Variants in SEMA3A observed in about 807,000 individuals in gnomAD.
The protein encoded by SEMA3A is semaphorin-3A.
A neutral mutation model predicts 97.9 loss-of-function variants in SEMA3A; 29 were observed. The ratio of observed to expected loss-of-function variants is 0.30; its 90% CI spans 0.22 to 0.40. SEMA3A has a LOEUF of 0.40. SEMA3A is among the 10% of genes least tolerant of loss of function. SEMA3A has a pLI of 1.00. For missense variants in SEMA3A, 763 were observed against 951.3 expected (o/e 0.80, Z 2.60); for synonymous variants, 321 against 323.7 (o/e 0.99, Z 0.09).
chr7:84,048,908 T>C (rs1242176946), intron 5 of SEMA3A, among the ~76,000 whole-genome samples: 3 of 152,040 alleles, frequency 2.0e-5, no homozygotes, highest in African/African-American at 4.8e-5. Flanking sequence ...CTAAAAACTA[T>C]TACTTGGATA....
At chr7:84,299,286 ATC>A (rs374582807) in intron 3 of SEMA3A, among the ~76,000 whole-genome samples, 4,754 of 139,500 alleles carry the variant, frequency 0.034, 339 homozygotes, top group African/African-American at 0.12. Flanking sequence ...CCATATATAT[ATC>A]TATCTCCATA....
chr7:84,169,535 TATA>T (rs1222524434), intron 1 of SEMA3A, among the ~76,000 whole-genome samples: 1 of 148,652 alleles, frequency 6.7e-6, no homozygotes, highest in Non-Finnish European at 1.5e-5. Context: ...TAAATTATTA[TATA>T]ATACTATATA....
chr7:84,226,895 A>C (rs1321439084), intron 3 of SEMA3A, among the ~76,000 whole-genome samples: 1 of 152,070 alleles, frequency 6.6e-6, no homozygotes, highest in Non-Finnish European at 1.5e-5. Flanking sequence ...CTATAATTAT[A>C]GAGATGCCAT....
intron 3 of SEMA3A, among the ~76,000 whole-genome samples, chr7:84,280,830 T>A (rs1165342329): frequency 1.3e-5 from 2 of 152,030 alleles, no homozygotes; most frequent in East Asian, 3.9e-4. Flanking sequence ...AATATAAAAA[T>A]TGCATTGGCA....
At chr7:84,128,447 G>A (rs1189398342) in intron 3 of SEMA3A, among the ~76,000 whole-genome samples, 1 of 152,124 alleles carries the variant, frequency 6.6e-6, no homozygotes, top group Non-Finnish European at 1.5e-5. Context: ...TCAACCTGTG[G>A]AAAGAAGTTG....
At chr7:84,160,969 C>A (rs182065725) in intron 1 of SEMA3A, among the ~76,000 whole-genome samples, 1 of 152,212 alleles carries the variant, frequency 6.6e-6, no homozygotes, top group African/African-American at 2.4e-5. Flanking sequence ...GGACCCTTAT[C>A]ACAACTGCAC....
At chr7:84,253,289 A>C (rs1218904284) in intron 3 of SEMA3A, among the ~76,000 whole-genome samples, 5 of 152,068 alleles carry the variant, frequency 3.3e-5, no homozygotes, top group Non-Finnish European at 7.3e-5. Context: ...TCTACCTTGA[A>C]GGGTTTGGAA....
intron 4 of SEMA3A, among the ~76,000 whole-genome samples, chr7:84,091,359 A>G (rs1281520890): frequency 8.2e-6 from 1 of 121,578 alleles, no homozygotes; most frequent in Admixed American, 9.1e-5. Context: ...GAAGGAAGAA[A>G]GGAAGAAAGG....
intron 12 of SEMA3A, among the ~76,000 whole-genome samples, chr7:83,999,309 C>T (rs1023435819): frequency 7.9e-5 from 12 of 151,908 alleles, no homozygotes; most frequent in African/African-American, 2.9e-4. Context: ...TATTAATGTA[C>T]TAAACAACAT....
intron 1 of SEMA3A, among the ~76,000 whole-genome samples, chr7:84,135,198 C>A (rs887071986): frequency 6.6e-6 from 1 of 150,848 alleles, no homozygotes; most frequent in Admixed American, 6.6e-5. Flanking sequence ...TTCACCACAA[C>A]CTCCCGAGTT....
At chr7:84,411,238 T>C (rs1235545488) in intron 1 of SEMA3A, among the ~76,000 whole-genome samples, 4 of 152,116 alleles carry the variant, frequency 2.6e-5, no homozygotes, top group Non-Finnish European at 5.9e-5. Flanking sequence ...TGGGATTTTT[T>C]ATAATATTGC....
intron 1 of SEMA3A, 54 bp downstream of exon 1, chr7:84,194,421 A>AC: frequency 8.8e-7 from 1 of 1,138,362 alleles, no homozygotes. Context: ...CAAGGAATTA[A>AC]GGGGGGGGGC....
At chr7:84,286,920 T>G (rs1049722499) in intron 3 of SEMA3A, among the ~76,000 whole-genome samples, 14 of 152,260 alleles carry the variant, frequency 9.2e-5, no homozygotes, top group Admixed American at 2.6e-4. Context: ...AATCTACATT[T>G]AATATTTAAA....
rs1230815936 is a variant in SEMA3A, at chr7:83,958,677, T to G, written c.*2694A>C. The G allele has an allele frequency of 6.6e-6, 1 of 152,538 alleles. No homozygotes were observed. Among genetic ancestry groups the G allele is most frequent in the Non-Finnish European group, 1.5e-5 (1 of 67,968 alleles). The allele number at this position is 152,538 out of a possible 1,614,324, so 9.4% of individuals were successfully genotyped here. A position where few individuals can be genotyped will look rare whatever the true frequency, so the allele number is the denominator to read the frequency against. ...TTTTCTCCCAAATTATTTACATCTT[T>G]TTTTTGCCTAATGTGTAGGTAGCAA... On this transcript the variant is annotated 3_prime_UTR_variant, in exon 17 of 17. Coordinates refer to ENST00000265362, the MANE Select transcript of SEMA3A (RefSeq NM_006080.3).
chr7:84,051,806 C>A (rs1347568736), intron 5 of SEMA3A, among the ~76,000 whole-genome samples: 1 of 151,828 alleles, frequency 6.6e-6, no homozygotes. Flanking sequence ...AAAGGGAATG[C>A]TTCCAGTTTT....
chr7:84,371,834 G>A (rs993875968), exon 2 of SEMA3A: 1 of 151,894 alleles, frequency 6.6e-6, no homozygotes, highest in African/African-American at 2.4e-5. Context: ...CTGCTAAAGG[G>A]CCTCTTCTTG....
intron 1 of SEMA3A, among the ~76,000 whole-genome samples, chr7:84,476,066 A>G (rs1192958075): frequency 6.6e-6 from 1 of 151,972 alleles, no homozygotes; most frequent in East Asian, 1.9e-4. Context: ...TTGTTTAAAA[A>G]TTTTTTTTGG....
intron 1 of SEMA3A, among the ~76,000 whole-genome samples, chr7:84,428,435 C>A (rs950548939): frequency 1.3e-5 from 2 of 151,950 alleles, no homozygotes; most frequent in Non-Finnish European, 2.9e-5. Flanking sequence ...TACATGATTT[C>A]AAACATAACA....
At chr7:84,213,667 A>C (rs1798682959) in intron 3 of SEMA3A, among the ~76,000 whole-genome samples, 1 of 152,214 alleles carries the variant, frequency 6.6e-6, no homozygotes, top group Admixed American at 6.5e-5. Context: ...ACTTTAATTA[A>C]AGATAAATCT....
Sources: gnomAD v4.1 joint callset for allele counts (sites outside exome capture counted in the v4.1 genomes callset) on GRCh38, gnomAD v4.1.1 for gene constraint, MANE v1.5 for transcripts, NCBI Gene and HGNC (gene_info 2026-07-23, HGNC 2026-07-21) for gene names.